Variants in TNS3 observed in about 807,000 individuals in gnomAD.
TNS3 encodes tensin 3, also known as tensin-3.
In TNS3, 45 loss-of-function variants were observed where a neutral mutation model predicts 140.9. That is an observed-to-expected ratio of 0.32 (90% confidence interval 0.25 to 0.41). The LOEUF (loss-of-function observed/expected upper bound fraction) is 0.41, where lower values mean the gene tolerates loss of function less well. Among genes scored for constraint, TNS3 ranks in the 10% least tolerant of loss-of-function variants. The pLI is 1.00. For missense variants in TNS3, 1,716 were observed against 1,906.7 expected, an observed-to-expected ratio of 0.90 and a Z score of 1.86; for synonymous variants, 815 against 788.4, an observed-to-expected ratio of 1.03 and a Z score of -0.56.
chr7:47,396,693 G>C, intron 16 of TNS3, 107 bp downstream of exon 16: 1 of 897,398 alleles, frequency 1.1e-6, no homozygotes, highest in South Asian at 1.5e-5. Flanking sequence ...AGAAAACAGG[G>C]GAAATTTTTT....
At chr7:47,455,057 A>G (rs1246248352) in intron 4 of TNS3, among the ~76,000 whole-genome samples, 1 of 152,178 alleles carries the variant, frequency 6.6e-6, no homozygotes, top group African/African-American at 2.4e-5. Flanking sequence ...CAGCACAGGC[A>G]TCCCAAGGAC....
Position 47,540,204 on chromosome 7 carries a change from G to A in TNS3, c.-264-11057C>T, listed in dbSNP as rs190210315. 1.2e-3 allele frequency among the ~76,000 whole-genome samples: 177 copies of A among 152,220 alleles called. 1 individual carries two copies. Among genetic ancestry groups the A allele is most frequent in the African/African-American group, 4.0e-3 (168 of 41,524 alleles). On this transcript the variant is annotated intron_variant, in intron 1 of 30. Coordinates refer to ENST00000311160, the MANE Select transcript of TNS3 (RefSeq NM_022748.12). ...AGGAACAAAACGAGGTTCTTCCCAGGAACAAAATGAGGTTCTTCCCAGGAA... is the reference window on the plus strand; with the variant it reads ...AGGAACAAAACGAGGTTCTTCCCAGAAACAAAATGAGGTTCTTCCCAGGAA...
intron 1 of TNS3, among the ~76,000 whole-genome samples, chr7:47,547,468 C>T (rs571504731): frequency 1.3e-5 from 2 of 152,202 alleles, no homozygotes; most frequent in Admixed American, 1.3e-4. Flanking sequence ...ACACTGGACA[C>T]GAAGACACTT....
rs1366296595 is a variant in TNS3 at position 47,540,569 on chromosome 7, C to T, written c.-264-11422G>A. ...CAGATACGTGAGCAACGTGTGTGCT[C>T]GATGTCAGAGGAAATACAGCGGCTG... On this transcript the variant is annotated intron_variant, in intron 1 of 30. Coordinates refer to ENST00000311160, the MANE Select transcript of TNS3 (RefSeq NM_022748.12). 2.0e-5 allele frequency among the ~76,000 whole-genome samples: 3 copies of T among 152,090 alleles called. No homozygotes were observed. The East Asian group carries it at 5.8e-4, about 29-fold the overall frequency.
At chr7:47,564,363 C>T (rs1432266004) in intron 1 of TNS3, among the ~76,000 whole-genome samples, 2 of 151,880 alleles carry the variant, frequency 1.3e-5, no homozygotes, top group African/African-American at 4.8e-5. Context: ...CCTTGCTGGG[C>T]GTGGTGACTC....
intron 17 of TNS3, among the ~76,000 whole-genome samples, chr7:47,358,411 AC>A (rs1377194255): frequency 6.6e-6 from 1 of 152,184 alleles, no homozygotes; most frequent in African/African-American, 2.4e-5. Flanking sequence ...TGTTGGGATT[AC>A]AGGCATGAGC....
chr7:47,438,957 A>G (rs553910188), intron 6 of TNS3, among the ~76,000 whole-genome samples: 23 of 152,272 alleles, frequency 1.5e-4, no homozygotes, highest in East Asian at 9.7e-4. Context: ...CAAGGGGCCA[A>G]TCAGAGGGTG....
intron 9 of TNS3, among the ~76,000 whole-genome samples, chr7:47,425,221 G>A (rs1794584312): frequency 6.6e-6 from 1 of 152,168 alleles, no homozygotes; most frequent in Non-Finnish European, 1.5e-5. Context: ...GGAGGCTGAG[G>A]TGGGAGAATC....
chr7:47,280,928 C>G (rs1785113871), intron 28 of TNS3, among the ~76,000 whole-genome samples: 1 of 151,820 alleles, frequency 6.6e-6, no homozygotes, highest in Non-Finnish European at 1.5e-5. Context: ...AAAAAAAGCC[C>G]TAACAAACTG....
chr7:47,471,606 C>CAGA (rs942663342), intron 4 of TNS3, among the ~76,000 whole-genome samples: 2 of 152,240 alleles, frequency 1.3e-5, no homozygotes, highest in African/African-American at 4.8e-5. Context: ...AGTTCATCAC[C>CAGA]AGAAGCTCCT....
At position 47,368,646 on chromosome 7, in the gene TNS3, G is replaced by T. The variant is rs749348057; in HGVS notation, c.2000C>A (p.Pro667His). The T allele has an allele frequency of 6.2e-7, 1 of 1,601,884 alleles. No homozygotes were observed. The highest frequency in any genetic ancestry group is 8.5e-7 in the Non-Finnish European group (1 of 1,174,154). Residue 667 changes from proline (P) to histidine (H), a missense_variant, in exon 17 of 31, where the codon CCC (proline) becomes CAC (histidine). This residue lies in a region of TNS3 where 1,163 missense variants were observed against 1,182.1 expected (regional missense o/e 0.98). Coordinates refer to ENST00000311160, the MANE Select transcript of TNS3 (RefSeq NM_022748.12). ...QQPSPSKAFK[P>H]RFPGDQVVNG... Reference sequence around the variant, plus strand: ...CACAACCTGGTCTCCTGGAAACCTGGGTTTGAACGCTTTGCTGGGAGAGGG... The same window carrying T: ...CACAACCTGGTCTCCTGGAAACCTGTGTTTGAACGCTTTGCTGGGAGAGGG...
chr7:47,542,661 G>A (rs1441422942), intron 1 of TNS3, among the ~76,000 whole-genome samples: 1 of 152,152 alleles, frequency 6.6e-6, no homozygotes, highest in African/African-American at 2.4e-5. Flanking sequence ...GCCGAGCACG[G>A]TGGCTCAACC....
At chr7:47,435,039 T>C (rs1795108641) in intron 8 of TNS3, among the ~76,000 whole-genome samples, 1 of 152,194 alleles carries the variant, frequency 6.6e-6, no homozygotes, top group South Asian at 2.1e-4. Context: ...GGTCAACAGT[T>C]TCAAATGTCC....
intron 10 of TNS3, among the ~76,000 whole-genome samples, chr7:47,418,057 G>A (rs1401419825): frequency 6.6e-6 from 1 of 152,212 alleles, no homozygotes; most frequent in Admixed American, 6.5e-5. Flanking sequence ...GGGAGGCTGA[G>A]GTGGGAGGAT....
rs1217998489 is a variant in TNS3, at chr7:47,400,454, G to A, written c.858C>T (p.Asp286=). ...CAACCTTCCCATAGTCAGGAAAACG[G>A]TCATCTGAAAAAAACAATGTATTTT... The part of the protein sequence containing the change: ...KEDLDNASKD[D]RFPDYGKVEL... The change falls in exon 15 of 31, where the codon GAC becomes GAT. Residue 286 remains aspartate, a synonymous_variant. Coordinates refer to ENST00000311160, the MANE Select transcript of TNS3 (RefSeq NM_022748.12). 1.2e-6 allele frequency: 2 copies of A among 1,613,952 alleles called. No individual in the cohort carries two copies. The highest frequency in any genetic ancestry group is 1.7e-6 in the Non-Finnish European group (2 of 1,179,918).
At chr7:47,478,129 G>A (rs989694282) in intron 4 of TNS3, among the ~76,000 whole-genome samples, 9 of 152,188 alleles carry the variant, frequency 5.9e-5, no homozygotes, top group African/African-American at 2.2e-4. Flanking sequence ...CTGACTGCAC[G>A]CCCACGGGCT....
Position 47,530,838 on chromosome 7 carries a change from A to AAAAAAAAAAAAAAAAAAATATATATATAT in TNS3, c.-264-1692_-264-1691insATATATATATATTTTTTTTTTTTTTTTTT. On this transcript the variant is annotated intron_variant, in intron 1 of 30. Coordinates refer to ENST00000311160, the MANE Select transcript of TNS3 (RefSeq NM_022748.12). The stretch of plus-strand genomic sequence containing the variant: ...AACTCCATCTCAAAAAAAAAAAAAA[A>AAAAAAAAAAAAAAAAAAATATATATATAT]ATATATATATATATATATATTTCTA... Among the ~76,000 whole-genome samples, 29 of 54,522 alleles carry AAAAAAAAAAAAAAAAAAATATATATATAT rather than the reference A, an allele frequency of 5.3e-4. 1 individual carries two copies. Among genetic ancestry groups the AAAAAAAAAAAAAAAAAAATATATATATAT allele is most frequent in the Non-Finnish European group, 8.2e-4 (25 of 30,344 alleles). 35.8% of individuals were successfully genotyped at this position (54,522 alleles called of 152,430 possible).
At chr7:47,321,376 T>C (rs1428631178) in intron 20 of TNS3, among the ~76,000 whole-genome samples, 1 of 152,210 alleles carries the variant, frequency 6.6e-6, no homozygotes, top group African/African-American at 2.4e-5. Flanking sequence ...ACCATGCCAC[T>C]GGCTTCTGGA....
intron 27 of TNS3, among the ~76,000 whole-genome samples, chr7:47,286,609 G>C (rs910422829): frequency 6.6e-6 from 1 of 152,112 alleles, no homozygotes; most frequent in African/African-American, 2.4e-5. Flanking sequence ...AGGCTACTCT[G>C]GGAAAGGGAC....
Sources: allele counts gnomAD v4.1 joint callset (sites outside exome capture counted in the v4.1 genomes callset), GRCh38; gene constraint gnomAD v4.1.1; regional missense constraint gnomAD v4.1.1; transcripts MANE v1.5; gene names NCBI Gene and HGNC (gene_info 2026-07-23, HGNC 2026-07-21).